The following SYNPO2 variants were observed in gnomAD, a reference collection of about 807,000 sequenced individuals.
SYNPO2 encodes the protein synaptopodin 2.
SYNPO2 carries 56 observed loss-of-function variants against 85.0 expected under a neutral mutation model. The ratio of observed to expected loss-of-function variants is 0.66; its 90% CI spans 0.53 to 0.82. The LOEUF is 0.82. Ranked by LOEUF, SYNPO2 falls within the 40% of genes least tolerant of loss-of-function variation. The probability of loss-of-function intolerance (pLI) is 0.00; values close to 1 mark genes in which losing one functional copy is unlikely to be tolerated. For missense variants in SYNPO2, 1,575 were observed against 1,534.2 expected, an observed-to-expected ratio of 1.03 and a Z score of -0.44; for synonymous variants, 602 against 591.1, an observed-to-expected ratio of 1.02 and a Z score of -0.27.
At chr4:118,972,405 C>G (rs545492757) in intron 1 of SYNPO2, among the ~76,000 whole-genome samples, 2 of 152,070 alleles carry the variant, frequency 1.3e-5, no homozygotes, top group Non-Finnish European at 2.9e-5. Context: ...GATTATGCCA[C>G]TGCATTCCAG....
At chr4:118,868,998 A>G (rs1248094213) in intron 1 of SYNPO2, among the ~76,000 whole-genome samples, 1 of 152,142 alleles carries the variant, frequency 6.6e-6, no homozygotes, top group Non-Finnish European at 1.5e-5. Context: ...ATTCCCAGAA[A>G]GTTTAGCAAA....
intron 1 of SYNPO2, among the ~76,000 whole-genome samples, chr4:118,922,549 C>A (rs1210478415): frequency 6.6e-6 from 1 of 151,382 alleles, no homozygotes; most frequent in African/African-American, 2.4e-5. Flanking sequence ...TTTTTTTGAA[C>A]CCTCTTTTCT....
intron 1 of SYNPO2, among the ~76,000 whole-genome samples, chr4:118,878,203 T>A (rs534535357): frequency 6.6e-6 from 1 of 152,040 alleles, no homozygotes; most frequent in African/African-American, 2.4e-5. Context: ...CAGGGCCTAC[T>A]TGAGGGTGGA....
chr4:118,968,176 G>GA (rs1431471106), intron 1 of SYNPO2, among the ~76,000 whole-genome samples: 3 of 152,170 alleles, frequency 2.0e-5, no homozygotes, highest in Non-Finnish European at 4.4e-5. Context: ...GCCAGTTAGT[G>GA]AAAATGAAAG....
At chr4:118,995,532 CAGTT>C (rs1218308265) in intron 1 of SYNPO2, among the ~76,000 whole-genome samples, 1 of 152,088 alleles carries the variant, frequency 6.6e-6, no homozygotes, top group African/African-American at 2.4e-5. Context: ...CCAAGTTACA[CAGTT>C]AGTAAGTGAA....
chr4:118,868,950 C>T (rs146279709), intron 1 of SYNPO2, among the ~76,000 whole-genome samples: 66 of 152,244 alleles, frequency 4.3e-4, no homozygotes, highest in African/African-American at 1.5e-3. Context: ...CCAGCATGAC[C>T]GCAGGAGATG....
intron 1 of SYNPO2, among the ~76,000 whole-genome samples, chr4:118,893,310 G>A (rs1209926973): frequency 6.6e-6 from 1 of 152,176 alleles, no homozygotes; most frequent in African/African-American, 2.4e-5. Flanking sequence ...TATTCATTAT[G>A]CATGAACTTT....
At chr4:118,971,232 T>C (rs1478869947) in intron 1 of SYNPO2, among the ~76,000 whole-genome samples, 1 of 152,240 alleles carries the variant, frequency 6.6e-6, no homozygotes, top group Admixed American at 6.5e-5. Context: ...CTCTAAACAA[T>C]AAGCAGATAA....
chr4:118,987,844 C>T (rs1381588596), intron 1 of SYNPO2, among the ~76,000 whole-genome samples: 2 of 152,090 alleles, frequency 1.3e-5, no homozygotes, highest in African/African-American at 4.8e-5. Flanking sequence ...CTTTAACATA[C>T]CTTTTATATA....
intron 1 of SYNPO2, among the ~76,000 whole-genome samples, chr4:118,916,869 G>A (rs1733353834): frequency 6.6e-6 from 1 of 151,448 alleles, no homozygotes; most frequent in African/African-American, 2.4e-5. Flanking sequence ...AGTAGCAAGG[G>A]CTACAAAGAT....
chr4:118,909,738 G>C (rs879402373), intron 1 of SYNPO2, among the ~76,000 whole-genome samples: 1 of 152,176 alleles, frequency 6.6e-6, no homozygotes, highest in Non-Finnish European at 1.5e-5. Context: ...CGGGGCTCTT[G>C]AGCCAGCAAA....
chr4:118,921,881 T>C (rs1733552219), intron 1 of SYNPO2, among the ~76,000 whole-genome samples: 1 of 152,074 alleles, frequency 6.6e-6, no homozygotes, highest in Non-Finnish European at 1.5e-5. Context: ...CTTGATTAAC[T>C]TTTGTCACCT....
chr4:118,961,102 C>CCG (rs1735067722), intron 1 of SYNPO2, among the ~76,000 whole-genome samples: 1 of 110,204 alleles, frequency 9.1e-6, no homozygotes, highest in Non-Finnish European at 1.8e-5. Flanking sequence ...TTTTACCGCC[C>CCG]CCCCCCCACC....
At chr4:118,897,732 G>A (rs906478942) in intron 1 of SYNPO2, among the ~76,000 whole-genome samples, 1 of 152,258 alleles carries the variant, frequency 6.6e-6, no homozygotes, top group East Asian at 1.9e-4. Flanking sequence ...AGGTCACATG[G>A]GTATGTATGA....
At chr4:118,976,055 G>A (rs1043603170) in intron 1 of SYNPO2, among the ~76,000 whole-genome samples, 6 of 152,206 alleles carry the variant, frequency 3.9e-5, no homozygotes, top group Non-Finnish European at 7.3e-5. Context: ...CCCAATAACT[G>A]GATTGACTCT....
chr4:118,896,958 A>AT (rs1372785645), intron 1 of SYNPO2, among the ~76,000 whole-genome samples: 1 of 137,476 alleles, frequency 7.3e-6, no homozygotes, highest in Non-Finnish European at 1.7e-5. Context: ...TGCTGGATTG[A>AT]TAAAAAAAAA....
intron 4 of SYNPO2, among the ~76,000 whole-genome samples, chr4:119,040,310 A>G (rs1190522411): frequency 6.6e-6 from 1 of 152,226 alleles, no homozygotes; most frequent in African/African-American, 2.4e-5. Flanking sequence ...GAAAAGTAGA[A>G]GGAGTGTCGC....
At chr4:118,914,600 T>G (rs1237197868) in intron 1 of SYNPO2, among the ~76,000 whole-genome samples, 1 of 152,122 alleles carries the variant, frequency 6.6e-6, no homozygotes, top group Non-Finnish European at 1.5e-5. Flanking sequence ...AGGGTTTTTT[T>G]GTGATATTTC....
chr4:118,897,172 A>T (rs1272994910), intron 1 of SYNPO2, among the ~76,000 whole-genome samples: 7 of 152,182 alleles, frequency 4.6e-5, no homozygotes, highest in African/African-American at 1.7e-4. Flanking sequence ...CACATCCTAC[A>T]TGGCATCAGG....
Sources: gnomAD v4.1 joint callset for allele counts (sites outside exome capture counted in the v4.1 genomes callset) on GRCh38, gnomAD v4.1.1 for gene constraint, MANE v1.5 for transcripts, NCBI Gene and HGNC (gene_info 2026-07-23, HGNC 2026-07-21) for gene names.